Variants in FHIT observed in about 807,000 individuals in gnomAD.
The protein encoded by FHIT is bis(5'-adenosyl)-triphosphatase.
Under a neutral mutation model 17.9 loss-of-function variants are expected in FHIT, and 19 were observed. The observed-to-expected ratio is 1.06, with a 90% CI of 0.74 to 1.56. The LOEUF (loss-of-function observed/expected upper bound fraction) is 1.56. FHIT is among the 40% of genes most tolerant of loss of function. FHIT has a pLI of 0.00. For missense variants in FHIT, 248 were observed against 189.2 expected (o/e 1.31, Z -1.82); for synonymous variants, 81 against 69.7 (o/e 1.16, Z -0.81).
chr3:59,981,309 C>A (rs1223619777), intron 7 of FHIT, among the ~76,000 whole-genome samples: 1 of 152,100 alleles, frequency 6.6e-6, no homozygotes, highest in Non-Finnish European at 1.5e-5. Flanking sequence ...TGAGGAAGAA[C>A]TGAACGCTGT....
At position 59,998,213 on chromosome 3, in the gene FHIT, G is replaced by A. The variant is rs1410260993; in HGVS notation, c.279+13158C>T. Reference sequence around the variant, plus strand: ...CCGGTGTGCTTGTCATCAGAGTGCAGCTGAGGCCAGGGCCGCAGATGAAGG... The same window carrying A: ...CCGGTGTGCTTGTCATCAGAGTGCAACTGAGGCCAGGGCCGCAGATGAAGG... On this transcript the variant is annotated intron_variant, in intron 7 of 9. Coordinates refer to ENST00000492590, the MANE Select transcript of FHIT (RefSeq NM_002012.4). 2.6e-5 allele frequency among the ~76,000 whole-genome samples: 4 copies of A among 152,304 alleles called. No individual in the cohort carries two copies. The East Asian group carries it at 7.7e-4, about 29-fold the overall frequency.
intron 7 of FHIT, among the ~76,000 whole-genome samples, chr3:59,924,683 AAAAAT>A (rs1170971957): frequency 6.6e-6 from 1 of 152,228 alleles, no homozygotes. Flanking sequence ...GCACCAGCAA[AAAAAT>A]AAAATAAAGA....
intron 5 of FHIT, among the ~76,000 whole-genome samples, chr3:60,378,726 G>T (rs1700680535): frequency 6.6e-6 from 1 of 152,194 alleles, no homozygotes; most frequent in South Asian, 2.1e-4. Context: ...TCTAAAAAAT[G>T]AAAAATGTCT....
chr3:61,209,788 A>G (rs1010043337), intron 1 of FHIT, among the ~76,000 whole-genome samples: 1 of 152,104 alleles, frequency 6.6e-6, no homozygotes, highest in African/African-American at 2.4e-5. Flanking sequence ...TAGTTTGATC[A>G]TCTGAAGCCT....
At chr3:60,360,385 A>G (rs569583578) in intron 5 of FHIT, among the ~76,000 whole-genome samples, 1 of 152,294 alleles carries the variant, frequency 6.6e-6, no homozygotes, top group African/African-American at 2.4e-5. Context: ...AAAACATGAG[A>G]GAAGGCACTG....
intron 5 of FHIT, among the ~76,000 whole-genome samples, chr3:60,081,825 C>T (rs557664473): frequency 4.3e-4 from 65 of 152,164 alleles, no homozygotes; most frequent in African/African-American, 1.4e-3. Flanking sequence ...GGCATCTTTT[C>T]CTGTTTCTTT....
intron 3 of FHIT, among the ~76,000 whole-genome samples, chr3:60,825,906 G>A (rs1288531571): frequency 6.6e-6 from 1 of 152,112 alleles, no homozygotes; most frequent in African/African-American, 2.4e-5. Flanking sequence ...AGGGGTACAG[G>A]CAGCAAAGAA....
At chr3:60,111,617 T>G (rs1576122860) in intron 5 of FHIT, among the ~76,000 whole-genome samples, 1 of 152,358 alleles carries the variant, frequency 6.6e-6, no homozygotes, top group Non-Finnish European at 1.5e-5. Flanking sequence ...GCTCTATAAT[T>G]AGCTGTCCTT....
chr3:59,871,007 T>G (rs75610996), intron 8 of FHIT, among the ~76,000 whole-genome samples: 5,539 of 152,194 alleles, frequency 0.036, 186 homozygotes, highest in African/African-American at 0.086. Context: ...ACTGGTCTTC[T>G]CCTTGTTCAA....
chr3:60,015,633 T>C (rs1575891007), intron 5 of FHIT, among the ~76,000 whole-genome samples: 1 of 152,274 alleles, frequency 6.6e-6, no homozygotes, highest in East Asian at 1.9e-4. Flanking sequence ...ACACCCTCAC[T>C]TAGGCCTGAC....
rs569976501 is a variant in FHIT at position 59,785,351 on chromosome 3, C to T, written c.349-33030G>A. 4.6e-5 allele frequency among the ~76,000 whole-genome samples: 7 copies of T among 151,240 alleles called. No homozygotes were observed. The South Asian group carries it at 1.5e-3, about 32-fold the overall frequency. On this transcript the variant is annotated intron_variant, in intron 8 of 9. Coordinates refer to ENST00000492590, the MANE Select transcript of FHIT (RefSeq NM_002012.4). ...TTGAGATAGTATCTCACTCTGTCTC[C>T]CAGGCTGGAGTGCAGTGGCACGATC...
intron 3 of FHIT, among the ~76,000 whole-genome samples, chr3:60,937,292 G>C (rs963626933): frequency 1.4e-4 from 22 of 152,200 alleles, no homozygotes; most frequent in African/African-American, 4.8e-4. Context: ...TATTTGGTCA[G>C]TAACTTTTGC....
At chr3:59,905,661 T>C (rs1704553356) in intron 8 of FHIT, among the ~76,000 whole-genome samples, 1 of 152,224 alleles carries the variant, frequency 6.6e-6, no homozygotes, top group Admixed American at 6.5e-5. Context: ...AATTTTTTAA[T>C]TTTAAGCTGT....
chr3:60,327,821 A>G (rs1270727062), intron 5 of FHIT, among the ~76,000 whole-genome samples: 1 of 152,136 alleles, frequency 6.6e-6, no homozygotes, highest in Non-Finnish European at 1.5e-5. Flanking sequence ...TTCAATTCAG[A>G]TGGTTCAAAT....
intron 3 of FHIT, among the ~76,000 whole-genome samples, chr3:60,913,966 T>G (rs1706872538): frequency 6.6e-6 from 1 of 152,250 alleles, no homozygotes; most frequent in African/African-American, 2.4e-5. Context: ...TTTCTGCCAT[T>G]TTCTGTTGAT....
chr3:60,563,012 T>G (rs998057162), intron 4 of FHIT, among the ~76,000 whole-genome samples: 21 of 152,306 alleles, frequency 1.4e-4, no homozygotes, highest in Admixed American at 1.4e-3. Flanking sequence ...CATTTAAATT[T>G]TATCCCTATA....
At chr3:60,883,725 A>G (rs545143241) in intron 3 of FHIT, among the ~76,000 whole-genome samples, 100 of 152,308 alleles carry the variant, frequency 6.6e-4, no homozygotes, top group African/African-American at 2.4e-3. Flanking sequence ...AAATGGACTA[A>G]ATAATTAAAT....
intron 5 of FHIT, among the ~76,000 whole-genome samples, chr3:60,383,578 G>A (rs904428868): frequency 6.6e-6 from 1 of 151,362 alleles, no homozygotes; most frequent in Admixed American, 6.6e-5. Context: ...ACGCCAAGGT[G>A]AAAAAACCAT....
chr3:59,829,464 T>C (rs1701089690), intron 8 of FHIT, among the ~76,000 whole-genome samples: 1 of 152,172 alleles, frequency 6.6e-6, no homozygotes, highest in Non-Finnish European at 1.5e-5. Context: ...AACATGTAAA[T>C]CTCAGCCAGA....
Sources: allele counts gnomAD v4.1 joint callset (sites outside exome capture counted in the v4.1 genomes callset), GRCh38; gene constraint gnomAD v4.1.1; transcripts MANE v1.5; gene names NCBI Gene and HGNC (gene_info 2026-07-23, HGNC 2026-07-21).